The following SLC13A3 variants were observed in gnomAD, a reference collection of about 807,000 sequenced individuals.
SLC13A3 encodes the protein Na(+)/dicarboxylate cotransporter 3.
In SLC13A3, 40 loss-of-function variants were observed where a neutral mutation model predicts 59.0. The observed-to-expected ratio is 0.68, with a 90% CI of 0.53 to 0.88. The LOEUF (loss-of-function observed/expected upper bound fraction) is 0.88, where lower values mean the gene tolerates loss of function less well. SLC13A3 is among the 40% of genes least tolerant of loss of function. The pLI is 0.00. For synonymous variants in SLC13A3, 317 were observed against 330.3 expected (o/e 0.96, Z 0.44); for missense variants, 699 against 783.2 (o/e 0.89, Z 1.28).
intron 4 of SLC13A3, among the ~76,000 whole-genome samples, chr20:46,599,447 C>T (rs754006807): frequency 9.9e-5 from 15 of 152,176 alleles, no homozygotes; most frequent in Non-Finnish European, 2.2e-4. Flanking sequence ...TGGAGCAGAG[C>T]CAGAGTTCGA....
In SLC13A3 at chr20:46,560,089, T is replaced by A. The variant is rs1451113700; in HGVS notation, c.1742A>T (p.Asp581Val). 6.2e-7 allele frequency: 1 copy of A among 1,613,964 alleles called. No individual in the cohort carries two copies. The highest frequency in any genetic ancestry group is 1.3e-5 in the African/African-American group (1 of 74,868). Residue 581 changes from aspartate (D) to valine (V), a missense_variant, in exon 13 of 13, where the codon GAT (aspartate) becomes GTT (valine). By Grantham distance (152) the Asp-to-Val change is radical (BLOSUM62 -3). Coordinates refer to ENST00000279027, the MANE Select transcript of SLC13A3 (RefSeq NM_022829.6). ...FQLGTFPDWA[D>V]MYSVNVTALP... ...TGCTGTGACATTGACCGAGTACATA[T>A]CAGCCCAGTCCGGGAAGGTGCCCAG...
chr20:46,625,002 CTG>C (rs2062653818), intron 1 of SLC13A3, among the ~76,000 whole-genome samples: 1 of 152,188 alleles, frequency 6.6e-6, no homozygotes, highest in African/African-American at 2.4e-5. Flanking sequence ...TCTCCCGACT[CTG>C]TAATGCTCAC....
At chr20:46,656,018 GTATATATACATATACTACAGTATAC>G (rs562291475), upstream of SLC13A3, among the ~76,000 whole-genome samples, 17 of 138,694 alleles carry the variant, frequency 1.2e-4, no homozygotes, top group African/African-American at 2.2e-4. Flanking sequence ...TATATATACA[GTATATATACATATACTACAGTATAC>G]TATATATACA....
Position 46,651,295 on chromosome 20 carries a change from G to A in SLC13A3, c.111+16C>T. ...CCTGTGGTTGACCGGGGGCGCACAG[G>A]CGGAGGAGGCGTTACCTTGGGCGGG... On this transcript the variant is annotated intron_variant, in intron 1 of 12. Transcript: ENST00000279027. 6.8e-7 allele frequency: 1 copy of A among 1,481,020 alleles called. No individual in the cohort carries two copies. 91.7% of individuals were successfully genotyped at this position (1,481,020 alleles called of 1,614,324 possible). A position where few individuals can be genotyped will look rare whatever the true frequency, so the allele number is the denominator to read the frequency against.
intron 5 of SLC13A3, among the ~76,000 whole-genome samples, chr20:46,592,731 G>T (rs942518492): frequency 6.6e-6 from 1 of 152,172 alleles, no homozygotes; most frequent in Admixed American, 6.5e-5. Context: ...TTCTGACCTA[G>T]TGGGACCAAT....
chr20:46,583,866 C>A, intron 8 of SLC13A3, 197 bp from the exon 9 acceptor site: 1 of 985,388 alleles, frequency 1.0e-6, no homozygotes, highest in Non-Finnish European at 1.2e-6. Flanking sequence ...TCCCTGGGGG[C>A]ATTTAGATGC....
At chr20:46,569,478 T>C (rs1933243316) in intron 10 of SLC13A3, among the ~76,000 whole-genome samples, 1 of 152,174 alleles carries the variant, frequency 6.6e-6, no homozygotes, top group Admixed American at 6.5e-5. Context: ...AGCTGTCACT[T>C]AACTTCCTAG....
chr20:46,568,582 C>A (rs928446703), intron 10 of SLC13A3, among the ~76,000 whole-genome samples: 1 of 152,110 alleles, frequency 6.6e-6, no homozygotes, highest in Admixed American at 6.5e-5. Flanking sequence ...GGTACACCTG[C>A]AGTTTGTCTG....
At chr20:46,614,452 C>T (rs1600563377) in intron 1 of SLC13A3, among the ~76,000 whole-genome samples, 2 of 152,276 alleles carry the variant, frequency 1.3e-5, no homozygotes, top group Admixed American at 6.5e-5. Flanking sequence ...GAAATACTCC[C>T]GCAGTCCATC....
chr20:46,683,340 G>A (rs562679030), intron 1 of SLC13A3, among the ~76,000 whole-genome samples: 57 of 152,322 alleles, frequency 3.7e-4, no homozygotes, highest in African/African-American at 1.4e-3. Context: ...TGTGCCAATA[G>A]AGAAGGGCTA....
intron 8 of SLC13A3, chr20:46,585,692 TG>T (rs1212446523): frequency 7.7e-7 from 1 of 1,298,374 alleles, no homozygotes; most frequent in South Asian, 1.3e-5. Context: ...GAGATTTAGC[TG>T]ATCTTCACAT....
chr20:46,642,928 AG>A (rs1342880841), intron 1 of SLC13A3, among the ~76,000 whole-genome samples: 5 of 152,214 alleles, frequency 3.3e-5, no homozygotes, highest in Middle Eastern at 3.4e-3. Context: ...TAATGTGGGC[AG>A]GGGTCTCCTC....
At chr20:46,684,383 T>C (rs2063169987) in intron 1 of SLC13A3, 1 of 152,110 alleles carries the variant, frequency 6.6e-6, no homozygotes, top group African/African-American at 2.4e-5. Flanking sequence ...AAAGGAAAAG[T>C]TTAATAACTC....
At chr20:46,563,656 GA>G in intron 11 of SLC13A3, 105 bp from the exon 12 acceptor site, 1 of 1,226,328 alleles carries the variant, frequency 8.2e-7, no homozygotes, top group Non-Finnish European at 1.1e-6. Flanking sequence ...GGGACACAAA[GA>G]CGTAGAGACA....
At chr20:46,638,951 A>T (rs1156299394) in intron 1 of SLC13A3, among the ~76,000 whole-genome samples, 1 of 152,114 alleles carries the variant, frequency 6.6e-6, no homozygotes, top group Non-Finnish European at 1.5e-5. Context: ...CCTGGGAGCA[A>T]ATTTGCTGGA....
intron 1 of SLC13A3, among the ~76,000 whole-genome samples, chr20:46,631,589 C>T (rs1391221881): frequency 7.2e-5 from 11 of 152,102 alleles, no homozygotes; most frequent in African/African-American, 4.8e-5. Flanking sequence ...CCTCATGTGG[C>T]CACCCTAGTC....
chr20:46,613,387 A>T (rs370120739), intron 2 of SLC13A3, 73 bp downstream of exon 2: 18 of 1,307,246 alleles, frequency 1.4e-5, no homozygotes, highest in East Asian at 8.3e-5. Flanking sequence ...AATCAAGAAG[A>T]GCAGGTATAG....
At chr20:46,684,094 A>T (rs79216911) in intron 1 of SLC13A3, among the ~76,000 whole-genome samples, 2,137 of 152,116 alleles carry the variant, frequency 0.014, 46 homozygotes, top group African/African-American at 0.049. Flanking sequence ...CCCCTTGCTC[A>T]CTAATGCCGG....
In SLC13A3 at chr20:46,600,002, T is replaced by C; in HGVS notation, c.577A>G (p.Thr193Ala). The C allele has an allele frequency of 6.3e-7, 1 of 1,590,244 alleles. No homozygotes were observed. Among genetic ancestry groups the C allele is most frequent in the Non-Finnish European group, 8.6e-7 (1 of 1,163,204 alleles). ...GTGCTGGCGAGAAACTGCATCTCCG[T>C]GGGCACAGTGTGTAGGCCGTTTCTC... is the stretch of plus-strand genomic sequence containing the variant. ...VRRNGLHTVP[T>A]EMQFLASTEA... is the part of the protein sequence containing the mutation. The change falls in exon 4 of 13, where the codon ACG (threonine) becomes GCG (alanine). Residue 193 changes from threonine (T) to alanine (A), a missense_variant. By Grantham distance (58) the Thr-to-Ala change is moderately conservative (BLOSUM62 0). Coordinates refer to ENST00000279027, the MANE Select transcript of SLC13A3 (RefSeq NM_022829.6).
Sources: gnomAD v4.1 joint callset for allele counts (sites outside exome capture counted in the v4.1 genomes callset) on GRCh38, gnomAD v4.1.1 for gene constraint, MANE v1.5 for transcripts, NCBI Gene and HGNC (gene_info 2026-07-23, HGNC 2026-07-21) for gene names.